ANKRD42: variants seen among roughly 807,000 people sequenced by gnomAD.
ANKRD42 encodes the protein ankyrin repeat domain-containing protein 42.
A neutral mutation model predicts 51.5 loss-of-function variants in ANKRD42; 43 were observed. That is an observed-to-expected ratio of 0.83 (90% CI 0.65 to 1.08). The LOEUF is 1.08. Among genes scored for constraint, ANKRD42 ranks in the 50% least tolerant of loss-of-function variants. The pLI, the probability that ANKRD42 is intolerant of heterozygous loss-of-function variation, is 0.00. For missense variants in ANKRD42, 608 were observed against 629.3 expected (o/e 0.97, Z 0.36); for synonymous variants, 203 against 213.0 (o/e 0.95, Z 0.41).
At chr11:83,210,130 CTTAGCA>C in intron 3 of ANKRD42, 164 bp from the exon 4 acceptor site, 1 of 538,004 alleles carries the variant, frequency 1.9e-6, no homozygotes, top group Non-Finnish European at 3.0e-6. Flanking sequence ...CAAACATTTT[CTTAGCA>C]TTAGCTGAGA....
At chr11:83,226,288 G>A (rs1261022441) in intron 6 of ANKRD42, among the ~76,000 whole-genome samples, 1 of 152,070 alleles carries the variant, frequency 6.6e-6, no homozygotes, top group African/African-American at 2.4e-5. Context: ...GCATATAGGT[G>A]ATGCTTAATA....
chr11:83,234,709 A>G (rs970257455), intron 7 of ANKRD42, among the ~76,000 whole-genome samples: 3 of 152,244 alleles, frequency 2.0e-5, no homozygotes, highest in African/African-American at 7.2e-5. Context: ...TCTTAATGAC[A>G]GAAAAGATCA....
rs1441677002 is a variant in ANKRD42 at position 83,211,311 on chromosome 11, A to G, written c.467A>G (p.Asp156Gly). Residue 156 changes from aspartate (D) to glycine (G), a missense_variant, in exon 5 of 11, where the codon GAT (aspartate) becomes GGT (glycine). Transcript: ENST00000533342. Reference protein sequence around the residue: ...LRSGVDPSVTDKREWRPVHYA... With the variant: ...LRSGVDPSVTGKREWRPVHYA... ...TACCTCTAGGATCCCAGTGTGACTG[A>G]TAAGAGAGAATGGAGACCTGTGCAT... 1.6e-5 allele frequency: 26 copies of G among 1,614,216 alleles called. No individual in the cohort carries two copies. Among genetic ancestry groups the G allele is most frequent in the East Asian group, 2.2e-5 (1 of 44,880 alleles).
intron 2 of ANKRD42, among the ~76,000 whole-genome samples, chr11:83,201,371 G>A (rs764002922): frequency 6.6e-6 from 1 of 152,122 alleles, no homozygotes; most frequent in Non-Finnish European, 1.5e-5. Context: ...TGGTGTATAT[G>A]TGCCACATTT....
intron 2 of ANKRD42, among the ~76,000 whole-genome samples, chr11:83,203,457 C>T (rs1157672353): frequency 2.0e-5 from 3 of 150,184 alleles, no homozygotes; most frequent in African/African-American, 4.9e-5. Context: ...GCAATGGCAC[C>T]GTCTTGGTTG....
chr11:83,213,217 T>C, intron 5 of ANKRD42: 1 of 1,599,636 alleles, frequency 6.3e-7, no homozygotes, highest in Admixed American at 1.7e-5. Context: ...ACATGCTGCC[T>C]ACTGACTTCT....
chr11:83,203,808 A>G (rs1176393995), intron 2 of ANKRD42, among the ~76,000 whole-genome samples: 1 of 152,216 alleles, frequency 6.6e-6, no homozygotes, highest in Admixed American at 6.5e-5. Context: ...TAAATTAATA[A>G]TTGGTAAAAA....
intron 10 of ANKRD42, 33 bp downstream of exon 10, chr11:83,245,657 T>C: frequency 6.6e-7 from 1 of 1,517,046 alleles, no homozygotes; most frequent in South Asian, 1.2e-5. Flanking sequence ...GATTTGTTTT[T>C]AAATACCTCT....
chr11:83,260,556 A>G (rs570976775), downstream of ANKRD42: 3 of 152,308 alleles, frequency 2.0e-5, no homozygotes, highest in East Asian at 5.8e-4. Context: ...ACTCTCACTC[A>G]CTGGACCATA....
At chr11:83,219,739 A>T (rs941509824) in intron 5 of ANKRD42, among the ~76,000 whole-genome samples, 1 of 152,256 alleles carries the variant, frequency 6.6e-6, no homozygotes, top group Non-Finnish European at 1.5e-5. Flanking sequence ...GGAAGGGGAA[A>T]GTTTATCTGG....
chr11:83,244,819 A>C (rs1410800909), intron 9 of ANKRD42, among the ~76,000 whole-genome samples: 1 of 152,240 alleles, frequency 6.6e-6, no homozygotes, highest in Non-Finnish European at 1.5e-5. Context: ...GGTACTTTAA[A>C]ATCAAGTATA....
At chr11:83,215,344 T>G (rs1862493888) in intron 5 of ANKRD42, 1 of 152,226 alleles carries the variant, frequency 6.6e-6, no homozygotes, top group Non-Finnish European at 1.5e-5. Context: ...CTACGTGTGT[T>G]TCTATAGATG....
At chr11:83,245,364 A>C in intron 9 of ANKRD42, 134 bp from the exon 10 acceptor site, 1 of 882,934 alleles carries the variant, frequency 1.1e-6, no homozygotes, top group South Asian at 2.0e-5. Flanking sequence ...GTATATACCA[A>C]CCTTCCTCCA....
intron 6 of ANKRD42, among the ~76,000 whole-genome samples, chr11:83,227,253 C>T (rs1244707244): frequency 6.6e-6 from 1 of 152,136 alleles, no homozygotes; most frequent in Non-Finnish European, 1.5e-5. Context: ...GCTGTGATTA[C>T]AGGCGTGAGC....
chr11:83,209,281 G>T, intron 3 of ANKRD42: 1 of 658,752 alleles, frequency 1.5e-6, no homozygotes, highest in Non-Finnish European at 2.8e-6. Flanking sequence ...AATATTATAA[G>T]TGTCTTCTAG....
intron 8 of ANKRD42, among the ~76,000 whole-genome samples, chr11:83,237,935 T>C (rs934907420): frequency 2.0e-5 from 3 of 152,214 alleles, no homozygotes; most frequent in African/African-American, 7.2e-5. Context: ...CCTGTCACTG[T>C]AGATTGGTTT....
downstream of ANKRD42, among the ~76,000 whole-genome samples, chr11:83,252,299 T>C (rs1863688696): frequency 6.6e-6 from 1 of 152,224 alleles, no homozygotes; most frequent in South Asian, 2.1e-4. Flanking sequence ...TATACACCAG[T>C]GGTGGCAGTG....
intron 8 of ANKRD42, among the ~76,000 whole-genome samples, chr11:83,240,335 T>C (rs1346146903): frequency 1.3e-5 from 2 of 152,206 alleles, no homozygotes; most frequent in Non-Finnish European, 2.9e-5. Flanking sequence ...TAGAGCTATA[T>C]TAATAGTTAG....
intron 3 of ANKRD42, among the ~76,000 whole-genome samples, chr11:83,208,445 G>A (rs1271075442): frequency 6.6e-6 from 1 of 152,088 alleles, no homozygotes; most frequent in African/African-American, 2.4e-5. Context: ...CTTAACCGGG[G>A]AATGAGATAA....
Sources: allele counts gnomAD v4.1 joint callset (sites outside exome capture counted in the v4.1 genomes callset), GRCh38; gene constraint gnomAD v4.1.1; transcripts MANE v1.5; gene names NCBI Gene and HGNC (gene_info 2026-07-23, HGNC 2026-07-21).